Variants in BCAS3 observed in about 807,000 individuals in gnomAD.
BCAS3 encodes BCAS4/BCAS3 fusion.
Under a neutral mutation model 116.1 loss-of-function variants are expected in BCAS3, and 53 were observed. That is an observed-to-expected ratio of 0.46 (90% CI 0.37 to 0.57). The LOEUF is 0.57. Among genes scored for constraint, BCAS3 ranks in the 20% least tolerant of loss-of-function variants. The pLI, the probability that BCAS3 is intolerant of heterozygous loss-of-function variation, is 0.00. For synonymous variants in BCAS3, 391 were observed against 408.2 expected (o/e 0.96, Z 0.51); for missense variants, 917 against 1,165.4 (o/e 0.79, Z 3.10).
In BCAS3 at chr17:61,033,258, C is replaced by T. The variant is rs542862006; in HGVS notation, c.1638-1408C>T. On this transcript the variant is annotated intron_variant, in intron 16 of 23. Coordinates refer to ENST00000407086, the MANE Select transcript of BCAS3 (RefSeq NM_017679.5). ...CATCTGGAGGGTTTGTTTCAAAACA[C>T]GGATTGTTGGGCTCCATTCCCAGAA... Among the ~76,000 whole-genome samples the T allele has an allele frequency of 2.8e-4, 43 of 152,136 alleles. No homozygotes were observed. The East Asian group carries it at 7.3e-3, about 26-fold the overall frequency.
At position 61,196,017 on chromosome 17, in the gene BCAS3, T is replaced by C. The variant is rs1241942279; in HGVS notation, c.2425+111453T>C. 6.6e-6 allele frequency among the ~76,000 whole-genome samples: 1 copy of C among 152,218 alleles called. No homozygotes were observed. Among genetic ancestry groups the C allele is most frequent in the Admixed American group, 6.5e-5 (1 of 15,282 alleles). The stretch of plus-strand genomic sequence containing the variant: ...CATTGATGTCAGAAGCATATGTAGG[T>C]AGTTTTAAAACTGAAAATATAGCTT... On this transcript the variant is annotated intron_variant, in intron 22 of 23. Coordinates refer to ENST00000407086, the MANE Select transcript of BCAS3 (RefSeq NM_017679.5). The surrounding 1 kb of genome is among the most constrained non-coding windows in gnomAD (Gnocchi z 4.7).
intron 22 of BCAS3, among the ~76,000 whole-genome samples, chr17:61,096,216 G>A (rs890537313): frequency 2.6e-5 from 4 of 152,124 alleles, no homozygotes; most frequent in African/African-American, 9.7e-5. Context: ...CAATGTAGAA[G>A]TCTTACACAT....
intron 23 of BCAS3, among the ~76,000 whole-genome samples, chr17:61,370,730 T>C (rs2143534103): frequency 6.6e-6 from 1 of 152,374 alleles, no homozygotes; most frequent in South Asian, 2.1e-4. Flanking sequence ...AAGCAGATGT[T>C]ATGGAAGTTA....
rs945833407 is a variant in BCAS3 at position 61,315,718 on chromosome 17, G to A, written c.2426-52609G>A. On this transcript the variant is annotated intron_variant, in intron 22 of 23. Transcript: ENST00000407086. This position sits in a 1 kb window ranked among gnomAD's most constrained non-coding sequence, Gnocchi z 5.3. Reference sequence around the variant, plus strand: ...ACTGACCCCCCGTTTCATGCCCCACGCCTTTGCTGGTACTGGTCCCTGAGA... The same window carrying A: ...ACTGACCCCCCGTTTCATGCCCCACACCTTTGCTGGTACTGGTCCCTGAGA... Among the ~76,000 whole-genome samples the A allele has an allele frequency of 2.6e-5, 4 of 152,010 alleles. No individual in the cohort carries two copies. Among genetic ancestry groups the A allele is most frequent in the South Asian group, 2.1e-4 (1 of 4,818 alleles).
intron 19 of BCAS3, among the ~76,000 whole-genome samples, chr17:61,046,753 T>G (rs2068393696): frequency 6.6e-6 from 1 of 151,972 alleles, no homozygotes; most frequent in African/African-American, 2.4e-5. Flanking sequence ...TGGTAAACTC[T>G]AATACAAACT....
At position 61,134,280 on chromosome 17, in the gene BCAS3, T is replaced by A. The variant is rs1015038749; in HGVS notation, c.2425+49716T>A. Among the ~76,000 whole-genome samples the A allele has an allele frequency of 6.6e-6, 1 of 152,196 alleles. No homozygotes were observed. Among genetic ancestry groups the A allele is most frequent in the African/African-American group, 2.4e-5 (1 of 41,458 alleles). On this transcript the variant is annotated intron_variant, in intron 22 of 23. Transcript: ENST00000407086. This position sits in a 1 kb window ranked among gnomAD's most constrained non-coding sequence, Gnocchi z 4.6. ...TAGTAGTGAACACTTGTTGATTTTT[T>A]AAAAATCAACTGTTAGGCACTGTGC...
intron 6 of BCAS3, among the ~76,000 whole-genome samples, chr17:60,785,139 C>A (rs1416680442): frequency 3.9e-5 from 6 of 152,014 alleles, no homozygotes; most frequent in African/African-American, 1.4e-4. Flanking sequence ...GCCCTTTTAA[C>A]TTAGGAGTTT....
rs563184394 is a variant in BCAS3 at position 61,324,816 on chromosome 17, C to G, written c.2426-43511C>G. ...CCTGGGCAACCTAGTGAGACCTCAT[C>G]TCTATGAAAAAAAAAAAAAAAGAAG... is the stretch of plus-strand genomic sequence containing the variant. On this transcript the variant is annotated intron_variant, in intron 22 of 23. Transcript: ENST00000407086. The surrounding 1 kb of genome is among the most constrained non-coding windows in gnomAD (Gnocchi z 4.6). 6.2e-5 allele frequency among the ~76,000 whole-genome samples: 9 copies of G among 146,146 alleles called. No homozygotes were observed. The South Asian group carries it at 1.9e-3, about 31-fold the overall frequency.
chr17:61,163,700 C>G (rs1429718354), intron 22 of BCAS3, among the ~76,000 whole-genome samples: 1 of 151,608 alleles, frequency 6.6e-6, no homozygotes, highest in Non-Finnish European at 1.5e-5. Context: ...TTTAAAAACT[C>G]AAATAGCCAG....
chr17:61,242,290 A>AG (rs1189705074), intron 22 of BCAS3, among the ~76,000 whole-genome samples: 1 of 151,728 alleles, frequency 6.6e-6, no homozygotes, highest in Non-Finnish European at 1.5e-5. Flanking sequence ...AAAAAAAAAA[A>AG]AAAATCCAAA....
intron 22 of BCAS3, among the ~76,000 whole-genome samples, chr17:61,357,708 C>T (rs887994116): frequency 6.7e-6 from 1 of 149,536 alleles, no homozygotes; most frequent in Non-Finnish European, 1.5e-5. Context: ...TCCCAAAGTA[C>T]TGGGATTACA....
At chr17:60,853,074 A>G (rs1198221390) in intron 7 of BCAS3, among the ~76,000 whole-genome samples, 3 of 152,238 alleles carry the variant, frequency 2.0e-5, no homozygotes, top group Non-Finnish European at 2.9e-5. Context: ...ATGGGTAAAC[A>G]TTGGTACATC....
rs184926731 is a variant in BCAS3, at chr17:60,746,765, C to T, written c.322-433C>T. Among the ~76,000 whole-genome samples the T allele has an allele frequency of 1.1e-4, 16 of 152,214 alleles. No individual in the cohort carries two copies. The East Asian group carries it at 2.9e-3, about 28-fold the overall frequency. On this transcript the variant is annotated intron_variant, in intron 5 of 23. Coordinates refer to ENST00000407086, the MANE Select transcript of BCAS3 (RefSeq NM_017679.5). ...TAACCATAAGTATACCTAAGTTATT[C>T]ACATTTCACCTACGTGTTCTTTGCA...
chr17:60,822,514 C>CT (rs2050051143), intron 7 of BCAS3, among the ~76,000 whole-genome samples: 1 of 152,138 alleles, frequency 6.6e-6, no homozygotes, highest in Non-Finnish European at 1.5e-5. Context: ...TTTACATACA[C>CT]TTTTTTTCTG....
At chr17:61,101,380 A>C (rs1225009075) in intron 22 of BCAS3, among the ~76,000 whole-genome samples, 3 of 152,198 alleles carry the variant, frequency 2.0e-5, no homozygotes, top group Non-Finnish European at 4.4e-5. Context: ...CCGTCTACTT[A>C]TGGGAAAATT....
Position 61,188,981 on chromosome 17 carries a change from T to C in BCAS3, c.2425+104417T>C, listed in dbSNP as rs192622789. Reference sequence around the variant, plus strand: ...AGCCGGGCGTGATGGTGCATGCCTATAGTCCCAGCTACTTGGGAGGTTAAA... The same window carrying C: ...AGCCGGGCGTGATGGTGCATGCCTACAGTCCCAGCTACTTGGGAGGTTAAA... On this transcript the variant is annotated intron_variant, in intron 22 of 23. Coordinates refer to ENST00000407086, the MANE Select transcript of BCAS3 (RefSeq NM_017679.5). This position sits in a 1 kb window ranked among gnomAD's most constrained non-coding sequence, Gnocchi z 4.0. Among the ~76,000 whole-genome samples, 22 of 152,280 alleles carry C rather than the reference T, an allele frequency of 1.4e-4. No homozygotes were observed. In the East Asian group the frequency reaches 4.2e-3, roughly 29 times the overall value.
chr17:61,383,131 G>T (rs1229598431), intron 23 of BCAS3: 2 of 152,484 alleles, frequency 1.3e-5, no homozygotes, highest in Non-Finnish European at 2.9e-5. Flanking sequence ...CGTGTACAGG[G>T]AGGGGGCGGG....
At chr17:61,075,140 T>C in intron 20 of BCAS3, 120 bp downstream of exon 20, 1 of 733,328 alleles carries the variant, frequency 1.4e-6, no homozygotes, top group Non-Finnish European at 2.2e-6. Context: ...TATCAAGAAT[T>C]AGTTGTCTTT....
chr17:61,218,030 G>A (rs994974770), intron 22 of BCAS3, among the ~76,000 whole-genome samples: 1 of 152,084 alleles, frequency 6.6e-6, no homozygotes, highest in Non-Finnish European at 1.5e-5. Flanking sequence ...TTTCAGTATT[G>A]CTATGTTTAC....
Sources: gnomAD v4.1 joint callset for allele counts (sites outside exome capture counted in the v4.1 genomes callset) on GRCh38, gnomAD v4.1.1 for gene constraint, Gnocchi (gnomAD v3.1) non-coding constraint, MANE v1.5 for transcripts, NCBI Gene and HGNC (gene_info 2026-07-23, HGNC 2026-07-21) for gene names.